Variants in CSF3R observed in about 807,000 individuals in gnomAD.
CSF3R encodes the protein colony stimulating factor 3 receptor.
Under a neutral mutation model 84.4 loss-of-function variants are expected in CSF3R, and 52 were observed. The ratio of observed to expected loss-of-function variants is 0.62; its 90% CI spans 0.49 to 0.78. The LOEUF is 0.78. CSF3R is among the 30% of genes least tolerant of loss of function. The pLI, the probability that CSF3R is intolerant of heterozygous loss-of-function variation, is 0.00. For synonymous variants in CSF3R, 384 were observed against 429.1 expected (o/e 0.89, Z 1.30); for missense variants, 890 against 1,055.7 (o/e 0.84, Z 2.17).
chr1:36,475,693 G>C lies in CSF3R; in HGVS notation c.65-20C>G. ...CCAGACCTGGGGTGGAAGAGAATGG[G>C]CCAGGAACGACGCCTCTGCCTAGCA... On this transcript the variant is annotated intron_variant, in intron 3 of 16. Coordinates refer to ENST00000373106, the MANE Select transcript of CSF3R (RefSeq NM_000760.4). 2 of 1,601,006 alleles carry C rather than the reference G, an allele frequency of 1.2e-6. No individual in the cohort carries two copies. Among genetic ancestry groups the C allele is most frequent in the Non-Finnish European group, 8.5e-7 (1 of 1,171,796 alleles).
In CSF3R at chr1:36,466,185, G is replaced by A. The variant is rs931211255; in HGVS notation, c.*172C>T. 5 of 1,614,178 alleles carry A rather than the reference G, an allele frequency of 3.1e-6. No individual in the cohort carries two copies. The highest frequency in any genetic ancestry group is 3.3e-5 in the Admixed American group (2 of 60,030). On this transcript the variant is annotated 3_prime_UTR_variant, in exon 17 of 17. Coordinates refer to ENST00000373106, the MANE Select transcript of CSF3R (RefSeq NM_000760.4). This position sits in a 1 kb window ranked among gnomAD's most constrained non-coding sequence, Gnocchi z 4.6. ...ATCTGGTCCTTAAAGTATGCAGATC[G>A]CCTGGGAGGCCCAGCCTATGGAGAT...
In CSF3R at chr1:36,472,171, T is replaced by C. The variant is rs530312152; in HGVS notation, c.998-32A>G. On this transcript the variant is annotated intron_variant, in intron 8 of 16. Coordinates refer to ENST00000373106, the MANE Select transcript of CSF3R (RefSeq NM_000760.4). This position sits in a 1 kb window ranked among gnomAD's most constrained non-coding sequence, Gnocchi z 5.0. ...ATGGAACAAGAAGAGGGGGTGCCAG[T>C]TGGGGAGGGGCCTGGGGCCTGGACT... 3.3e-5 allele frequency: 53 copies of C among 1,613,808 alleles called. No homozygotes were observed. Among genetic ancestry groups the C allele is most frequent in the South Asian group, 5.5e-5 (5 of 91,070 alleles).
In CSF3R at chr1:36,472,127, C is replaced by CCACCA; in HGVS notation, c.1009_1010insTGGTG (p.Arg337MetfsTer98). 2 of 1,613,956 alleles carry CCACCA rather than the reference C, an allele frequency of 1.2e-6. No individual in the cohort carries two copies. The highest frequency in any genetic ancestry group is 1.7e-6 in the Non-Finnish European group (2 of 1,180,018). Reference sequence around the variant, plus strand: ...CCTCTGCCGCCACCATGTGTCCAGTCTGACAGTGGGGGCTGTGGATGGAAC... The same window carrying CCACCA: ...CCTCTGCCGCCACCATGTGTCCAGTCCACCATGACAGTGGGGGCTGTGGATGGAAC... On this transcript the variant is annotated frameshift_variant, in exon 9 of 17. Coordinates refer to ENST00000373106, the MANE Select transcript of CSF3R (RefSeq NM_000760.4). LOFTEE classifies it high-confidence loss of function. The surrounding 1 kb of genome is among the most constrained non-coding windows in gnomAD (Gnocchi z 5.0).
Position 36,467,911 on chromosome 1 carries a change from G to A in CSF3R, c.1775C>T (p.Pro592Leu). 6.2e-7 allele frequency: 1 copy of A among 1,614,236 alleles called. No homozygotes were observed. The highest frequency in any genetic ancestry group is 8.5e-7 in the Non-Finnish European group (1 of 1,180,050). ...GAGGTGGATGTGATACAGACTGGCG[G>A]GCTCCAGGCCATGGAGGACAAAGCC... is the stretch of plus-strand genomic sequence containing the variant. ...SRGFVLHGLEPASLYHIHLMA... is the reference protein window; with the variant it reads ...SRGFVLHGLELASLYHIHLMA... The change falls in exon 14 of 17, where the codon CCC becomes CTC. Residue 592 changes from proline (P) to leucine (L), a missense_variant. Physicochemically the swap from Pro to Leu is moderately conservative, Grantham distance 98. Transcript: ENST00000373106. The surrounding 1 kb of genome is among the most constrained non-coding windows in gnomAD (Gnocchi z 4.1).
chr1:36,467,354 C>T lies in CSF3R; in HGVS notation c.1959-43G>A, dbSNP rs373764524. On this transcript the variant is annotated intron_variant, in intron 15 of 16. Transcript: ENST00000373106. This position sits in a 1 kb window ranked among gnomAD's most constrained non-coding sequence, Gnocchi z 4.1. ...TGGAGGCTGAGTCAGACACACCCTC[C>T]GATCTTTCCATTTTTTGTCCCACCC... 8.8e-5 allele frequency: 141 copies of T among 1,596,504 alleles called. 1 individual carries two copies. Among genetic ancestry groups the T allele is most frequent in the South Asian group, 8.2e-4 (74 of 90,716 alleles).
chr1:36,468,970 C>T lies in CSF3R; in HGVS notation c.1576+186G>A, dbSNP rs1212184542. On this transcript the variant is annotated intron_variant, in intron 12 of 16. Coordinates refer to ENST00000373106, the MANE Select transcript of CSF3R (RefSeq NM_000760.4). ...TGCCAACTCCCTACTCAATTTCTAT[C>T]CCAGCACCTGATTTCTGTCCAGCTG... 5.0e-6 allele frequency: 3 copies of T among 605,974 alleles called. No homozygotes were observed. In the African/African-American group the frequency reaches 5.6e-5, roughly 11 times the overall value. 37.5% of individuals were successfully genotyped at this position (605,974 alleles called of 1,614,324 possible). A position where few individuals can be genotyped will look rare whatever the true frequency, so the allele number is the denominator to read the frequency against.
In CSF3R at chr1:36,472,508, C is replaced by T. The variant is rs1308504932; in HGVS notation, c.843+9G>A. 4 of 1,614,198 alleles carry T rather than the reference C, an allele frequency of 2.5e-6. No individual in the cohort carries two copies. The East Asian group carries it at 8.9e-5, about 36-fold the overall frequency. On this transcript the variant is annotated intron_variant, in intron 7 of 16. Coordinates refer to ENST00000373106, the MANE Select transcript of CSF3R (RefSeq NM_000760.4). The surrounding 1 kb of genome is among the most constrained non-coding windows in gnomAD (Gnocchi z 5.0). ...CACCTCAGGCTCTCCAGGTTGCCCT[C>T]TGCCTCACCAGTGCCCAGCTGGCTT...
At chr1:36,479,250 G>A in intron 3 of CSF3R, 183 bp downstream of exon 3, 2 of 697,146 alleles carry the variant, frequency 2.9e-6, no homozygotes, top group Non-Finnish European at 2.6e-6. Context: ...TTCCTCTTGG[G>A]TGGTGGTTTG....
At position 36,467,767 on chromosome 1, in the gene CSF3R, T is replaced by A. The variant is rs1273708572; in HGVS notation, c.1864+55A>T. 6.4e-5 allele frequency: 103 copies of A among 1,613,720 alleles called. No individual in the cohort carries two copies. The highest frequency in any genetic ancestry group is 8.6e-5 in the Non-Finnish European group (101 of 1,179,780). ...CAGCTACTCTCAAAATCAGCATCCT[T>A]TGGGTGGGGTACCCTCCAAACAGCC... On this transcript the variant is annotated intron_variant, in intron 14 of 16. Transcript: ENST00000373106. This position sits in a 1 kb window ranked among gnomAD's most constrained non-coding sequence, Gnocchi z 4.1.
chr1:36,469,888 G>A (rs1256684573), intron 10 of CSF3R, 48 bp from the exon 11 acceptor site: 1 of 1,593,672 alleles, frequency 6.3e-7, no homozygotes, highest in Non-Finnish European at 8.6e-7. Context: ...AAGAATGCAG[G>A]CCCTTGAGCC....
rs749829503 is a variant in CSF3R, at chr1:36,467,588, C to T, written c.1928G>A (p.Cys643Tyr). Residue 643 changes from cysteine to tyrosine, a missense_variant, in exon 15 of 17, where the codon TGT (cysteine) becomes TAT (tyrosine). Coordinates refer to ENST00000373106, the MANE Select transcript of CSF3R (RefSeq NM_000760.4). The surrounding 1 kb of genome is among the most constrained non-coding windows in gnomAD (Gnocchi z 4.1). ...FGLLLLLTCL[C>Y]GTAWLCCSPN... ...GCTGCAACAGAGCCAGGCAGTTCCA[C>T]AGAGGCAGGTGAGCAACAGCAGGAG... 5 of 1,614,066 alleles carry T rather than the reference C, an allele frequency of 3.1e-6. No individual in the cohort carries two copies. In the Admixed American group the frequency reaches 6.7e-5, roughly 22 times the overall value.
In CSF3R at chr1:36,469,746, C is replaced by G; in HGVS notation, c.1380G>C (p.Val460=). The change falls in exon 11 of 17, where the codon GTG becomes GTC. Residue 460 remains valine, a synonymous_variant. Transcript: ENST00000373106. ...EPPNPWPQGY[V]IEWGLGPPSA... ...TGGGGGGGCCCAGGCCCCACTCAAT[C>G]ACATAGCCCTGAGGCCATGGATTGG... 1.2e-6 allele frequency: 2 copies of G among 1,614,208 alleles called. No individual in the cohort carries two copies.
At position 36,472,234 on chromosome 1, in the gene CSF3R, T is replaced by G; in HGVS notation, c.997+4A>C. 6.2e-7 allele frequency: 1 copy of G among 1,614,138 alleles called. No individual in the cohort carries two copies. The highest frequency in any genetic ancestry group is 8.5e-7 in the Non-Finnish European group (1 of 1,180,018). ...CTGCTCCCAGCCTCTCATCACCTCCTTACCCCGTTCGGTAGTTCTCAGCTC... is the reference window on the plus strand; with the variant it reads ...CTGCTCCCAGCCTCTCATCACCTCCGTACCCCGTTCGGTAGTTCTCAGCTC... On this transcript the variant is annotated splice_donor_region_variant and intron_variant, in intron 8 of 16. Transcript: ENST00000373106. The surrounding 1 kb of genome is among the most constrained non-coding windows in gnomAD (Gnocchi z 5.0).
Position 36,472,160 on chromosome 1 carries a change from G to A in CSF3R, c.998-21C>T. 6.2e-7 allele frequency: 1 copy of A among 1,614,048 alleles called. No individual in the cohort carries two copies. ...GGGGGCTGTGGATGGAACAAGAAGA[G>A]GGGGTGCCAGTTGGGGAGGGGCCTG... On this transcript the variant is annotated intron_variant, in intron 8 of 16. Coordinates refer to ENST00000373106, the MANE Select transcript of CSF3R (RefSeq NM_000760.4). This position sits in a 1 kb window ranked among gnomAD's most constrained non-coding sequence, Gnocchi z 5.0.
intron 3 of CSF3R, 134 bp downstream of exon 3, chr1:36,479,299 A>C (rs1651371630): frequency 1.1e-6 from 1 of 917,152 alleles, no homozygotes; most frequent in Non-Finnish European, 1.8e-6. Flanking sequence ...GCTACCCCAC[A>C]TCTGTGGCTC....
rs1283886020 is a variant in CSF3R at position 36,469,165 on chromosome 1, G to A, written c.1567C>T (p.Gln523Ter). The change falls in exon 12 of 17, where the codon CAA (glutamine) becomes TAA (stop). Residue 523 changes from glutamine (Q) to a stop codon, truncating the protein, a stop_gained. Coordinates refer to ENST00000373106, the MANE Select transcript of CSF3R (RefSeq NM_000760.4). LOFTEE classifies it high-confidence loss of function. ...CTGATAGTTGACAAACCCATTTCTT[G>A]AGAGTAGGCATAGACATGCTGGGAG... The part of the protein sequence containing the change: ...GPSQHVYAYS[Q>*]EMAPSHAPEL... 3 of 1,612,988 alleles carry A rather than the reference G, an allele frequency of 1.9e-6. No homozygotes were observed. The highest frequency in any genetic ancestry group is 2.7e-5 in the African/African-American group (2 of 75,020).
In CSF3R at chr1:36,467,712, C is replaced by T. The variant is rs1650419862; in HGVS notation, c.1865-61G>A. ...CATGTTGGGAAGGCTGGGTCTCCTC[C>T]CTCCGACCAGGGGATTCAAAGTCAG... On this transcript the variant is annotated intron_variant, in intron 14 of 16. Coordinates refer to ENST00000373106, the MANE Select transcript of CSF3R (RefSeq NM_000760.4). This position sits in a 1 kb window ranked among gnomAD's most constrained non-coding sequence, Gnocchi z 4.1. 1 of 1,611,640 alleles carries T rather than the reference C, an allele frequency of 6.2e-7. No individual in the cohort carries two copies. Among genetic ancestry groups the T allele is most frequent in the African/African-American group, 1.3e-5 (1 of 75,024 alleles).
chr1:36,475,032 T>G (rs1651035529), intron 4 of CSF3R, among the ~76,000 whole-genome samples: 1 of 151,910 alleles, frequency 6.6e-6, no homozygotes, highest in South Asian at 2.1e-4. Context: ...GAGACCAAGT[T>G]TCGCTTTTGT....
At position 36,469,158 on chromosome 1, in the gene CSF3R, A is replaced by C. The variant is rs1650538573; in HGVS notation, c.1574T>G (p.Met525Arg). 1.2e-6 allele frequency: 2 copies of C among 1,612,044 alleles called. No individual in the cohort carries two copies. The highest frequency in any genetic ancestry group is 1.3e-5 in the African/African-American group (1 of 74,836). ...SQHVYAYSQE[M>R]APSHAPELHL... is the part of the protein sequence containing the mutation. ...AAGGGGCCTGATAGTTGACAAACCCATTTCTTGAGAGTAGGCATAGACATG... is the reference window on the plus strand; with the variant it reads ...AAGGGGCCTGATAGTTGACAAACCCCTTTCTTGAGAGTAGGCATAGACATG... Residue 525 changes from methionine (M) to arginine (R), a missense_variant and splice_region_variant, in exon 12 of 17, where the codon ATG (methionine) becomes AGG (arginine). Coordinates refer to ENST00000373106, the MANE Select transcript of CSF3R (RefSeq NM_000760.4).
Sources: gnomAD v4.1 joint callset for allele counts (sites outside exome capture counted in the v4.1 genomes callset) on GRCh38, gnomAD v4.1.1 for gene constraint, Gnocchi (gnomAD v3.1) non-coding constraint, MANE v1.5 for transcripts, NCBI Gene and HGNC (gene_info 2026-07-23, HGNC 2026-07-21) for gene names.